The following LAMP2 variants were observed in gnomAD, a reference collection of about 807,000 sequenced individuals.
LAMP2 encodes the protein lysosome-associated membrane glycoprotein 2.
Under a neutral mutation model 25.6 loss-of-function variants are expected in LAMP2, and 4 were observed. The ratio of observed to expected loss-of-function variants is 0.16; its 90% confidence interval spans 0.08 to 0.36. LAMP2 has a LOEUF of 0.36. LAMP2 is among the 10% of genes least tolerant of loss of function. LAMP2 has a pLI of 1.00. For synonymous variants in LAMP2, 108 were observed against 112.7 expected, an observed-to-expected ratio of 0.96 and a Z score of 0.27; for missense variants, 272 against 301.4, an observed-to-expected ratio of 0.90 and a Z score of 0.72.
rs770877964 is a variant in LAMP2 at position 120,439,261 on chromosome X, G to T, written c.1093+2469C>A. ...CCAGCACCAACTATAATTGGGATTA[G>T]AATGGTGTCATCATCCAGCGAACAC... On this transcript the variant is annotated intron_variant, in intron 8 of 8. Coordinates refer to ENST00000200639, the MANE Select transcript of LAMP2 (RefSeq NM_002294.3). 1.7e-6 allele frequency: 2 copies of T among 1,209,909 alleles called. No homozygotes were observed. The highest frequency in any genetic ancestry group is 5.9e-5 in the East Asian group (2 of 33,819).
At chrX:120,446,222 C>A in intron 6 of LAMP2, 83 bp downstream of exon 6, 2 of 892,809 alleles carry the variant, frequency 2.2e-6, no homozygotes, top group South Asian at 4.0e-5. Context: ...AAGCTAAATA[C>A]CCCCCTCCCC....
chrX:120,462,945 C>G (rs1266947383), intron 1 of LAMP2, among the ~76,000 whole-genome samples: 1 of 112,367 alleles, frequency 8.9e-6, no homozygotes, highest in African/African-American at 3.2e-5. Context: ...TACCAATTTA[C>G]AAGTCTCCTT....
chrX:120,456,448 C>T (rs964681063), intron 2 of LAMP2, among the ~76,000 whole-genome samples: 1 of 111,367 alleles, frequency 9.0e-6, no homozygotes, highest in Non-Finnish European at 1.9e-5. Context: ...CCTACAAAAA[C>T]TCCCAAGAAC....
chrX:120,436,676 C>T (rs2058546213), intron 8 of LAMP2: 1 of 735,187 alleles, frequency 1.4e-6, no homozygotes, highest in African/African-American at 2.3e-5. Flanking sequence ...CACCCAAAAC[C>T]AGATAGAGCG....
At chrX:120,447,744 A>T in intron 5 of LAMP2, 97 bp downstream of exon 5, 2 of 766,008 alleles carry the variant, frequency 2.6e-6, no homozygotes, top group Admixed American at 5.1e-5. Context: ...AGAAAACGGA[A>T]TCATTCTAGT....
At position 120,428,802 on chromosome X, in the gene LAMP2, A is replaced by C. The variant is rs766113990; in HGVS notation, c.*2521T>G. 2 of 750,805 alleles carry C rather than the reference A, an allele frequency of 2.7e-6. No individual in the cohort carries two copies. Among genetic ancestry groups the C allele is most frequent in the African/African-American group, 4.6e-5 (2 of 43,062 alleles). 61.9% of individuals were successfully genotyped at this position (750,805 alleles called of 1,213,427 possible). On this transcript the variant is annotated 3_prime_UTR_variant, in exon 9 of 9. Coordinates refer to ENST00000200639, the MANE Select transcript of LAMP2 (RefSeq NM_002294.3). The stretch of plus-strand genomic sequence containing the variant: ...TTATCACTTTATCTAAAATCACACG[A>C]AATTCCTCAGTACGAAAAGCAGAAG...
At position 120,428,638 on chromosome X, in the gene LAMP2, GAACA is replaced by G; in HGVS notation, c.*2681_*2684del. The stretch of plus-strand genomic sequence containing the variant: ...AGAACATTCTTCAGCTGTTAGAAAA[GAACA>G]GACAGCAAGGAAAGGAAATTAGCAA... On this transcript the variant is annotated 3_prime_UTR_variant, in exon 9 of 9. Transcript: ENST00000200639. 8.6e-7 allele frequency: 1 copy of G among 1,162,477 alleles called. No homozygotes were observed. Among genetic ancestry groups the G allele is most frequent in the Non-Finnish European group, 1.1e-6 (1 of 874,757 alleles).
At chrX:120,459,162 G>C (rs915858836) in intron 1 of LAMP2, among the ~76,000 whole-genome samples, 2 of 111,199 alleles carry the variant, frequency 1.8e-5, no homozygotes, top group Non-Finnish European at 3.8e-5. Flanking sequence ...CTCTACCCTG[G>C]GCTTCTATTG....
chrX:120,437,302 CATATAT>C, intron 8 of LAMP2: 1 of 695,604 alleles, frequency 1.4e-6, no homozygotes, highest in Non-Finnish European at 1.7e-6. Flanking sequence ...TATATGTGTG[CATATAT>C]ATATATATGT....
chrX:120,429,985 C>G lies in LAMP2; in HGVS notation c.*1338G>C. On this transcript the variant is annotated 3_prime_UTR_variant, in exon 9 of 9. Transcript: ENST00000200639. ...AAATGTTGCTACGGTTCTGAGTACA[C>G]AACACTCATCTCAGTAACCACACAT... 1 of 754,117 alleles carries G rather than the reference C, an allele frequency of 1.3e-6. No homozygotes were observed. Among genetic ancestry groups the G allele is most frequent in the South Asian group, 6.7e-5 (1 of 14,893 alleles). 62.1% of individuals were successfully genotyped at this position (754,117 alleles called of 1,213,427 possible).
At chrX:120,444,930 A>C (rs979522041) in intron 6 of LAMP2, among the ~76,000 whole-genome samples, 2 of 112,050 alleles carry the variant, frequency 1.8e-5, no homozygotes, top group Non-Finnish European at 3.8e-5. Context: ...GATTTTTCAG[A>C]GTGCCTGTAG....
At chrX:120,441,106 C>T (rs2058569855) in intron 8 of LAMP2, among the ~76,000 whole-genome samples, 1 of 111,994 alleles carries the variant, frequency 8.9e-6, no homozygotes, top group African/African-American at 3.2e-5. Context: ...TGCTTTTTTT[C>T]TTCATGCAAA....
intron 3 of LAMP2, among the ~76,000 whole-genome samples, chrX:120,450,607 T>C (rs1170112332): frequency 9.0e-6 from 1 of 111,524 alleles, no homozygotes; most frequent in Non-Finnish European, 1.9e-5. Flanking sequence ...ACTTATATAG[T>C]AAAAGACAAA....
In LAMP2 at chrX:120,430,923, T is replaced by C. The variant is rs1032582981; in HGVS notation, c.*400A>G. On this transcript the variant is annotated 3_prime_UTR_variant, in exon 9 of 9. Transcript: ENST00000200639. ...TTTAAATCACTATAGTCCTTATACATTGAAACAGAACACCAGTAGTGAAAT... is the reference window on the plus strand; with the variant it reads ...TTTAAATCACTATAGTCCTTATACACTGAAACAGAACACCAGTAGTGAAAT... 1.2e-6 allele frequency: 1 copy of C among 811,091 alleles called. No homozygotes were observed. Among genetic ancestry groups the C allele is most frequent in the South Asian group, 4.7e-5 (1 of 21,363 alleles). The allele number at this position is 811,091 out of a possible 1,213,427, so 66.8% of individuals were successfully genotyped here.
chrX:120,448,104 A>C, intron 4 of LAMP2, 79 bp from the exon 5 acceptor site: 2 of 903,527 alleles, frequency 2.2e-6, no homozygotes, highest in Non-Finnish European at 1.6e-6. Context: ...ACCAAAAAAA[A>C]TTCTCATAAT....
chrX:120,440,886 T>C (rs1245203393), intron 8 of LAMP2, among the ~76,000 whole-genome samples: 1 of 112,417 alleles, frequency 8.9e-6, no homozygotes, highest in African/African-American at 3.2e-5. Flanking sequence ...TCAGACTAGG[T>C]ATTCAACACC....
chrX:120,436,166 A>ACT (rs1293638814), intron 8 of LAMP2, among the ~76,000 whole-genome samples: 22 of 83,597 alleles, frequency 2.6e-4, no homozygotes, highest in African/African-American at 1.1e-3. Context: ...ACACACACAC[A>ACT]CACACTCTCT....
rs373007615 is a variant in LAMP2 at position 120,449,111 on chromosome X, C to T, written c.415G>A (p.Glu139Lys). Reference sequence around the variant, plus strand: ...AATGGAATTCTGATGGCCAAAAGTTCATCAACAGTAAGAATTCCTATAAAA... The same window carrying T: ...AATGGAATTCTGATGGCCAAAAGTTTATCAACAGTAAGAATTCCTATAAAA... ...AEDKGILTVD[E>K]LLAIRIPLND... is the part of the protein sequence containing the mutation. The change falls in exon 4 of 9, where the codon GAA becomes AAA. Residue 139 changes from glutamate to lysine, a missense_variant. Coordinates refer to ENST00000200639, the MANE Select transcript of LAMP2 (RefSeq NM_002294.3). 5.0e-6 allele frequency: 6 copies of T among 1,198,803 alleles called. No individual in the cohort carries two copies. The highest frequency in any genetic ancestry group is 6.8e-6 in the Non-Finnish European group (6 of 884,999).
At chrX:120,440,751 G>T (rs982057521) in intron 8 of LAMP2, among the ~76,000 whole-genome samples, 1 of 112,439 alleles carries the variant, frequency 8.9e-6, no homozygotes, top group Non-Finnish European at 1.9e-5. Flanking sequence ...CAAAATAATT[G>T]AAGTACATAA....
Sources: gnomAD v4.1 joint callset for allele counts (sites outside exome capture counted in the v4.1 genomes callset) on GRCh38, gnomAD v4.1.1 for gene constraint, MANE v1.5 for transcripts, NCBI Gene and HGNC (gene_info 2026-07-23, HGNC 2026-07-21) for gene names.